XPO7: variants seen among roughly 807,000 people sequenced by gnomAD.
The protein encoded by XPO7 is exportin-7.
Under a neutral mutation model 144.3 loss-of-function variants are expected in XPO7, and 21 were observed. That is an observed-to-expected ratio of 0.15 (90% CI 0.10 to 0.21). The LOEUF (loss-of-function observed/expected upper bound fraction) is 0.21. XPO7 is among the 10% of genes least tolerant of loss of function. XPO7 has a pLI of 1.00. For synonymous variants in XPO7, 580 were observed against 499.6 expected, an observed-to-expected ratio of 1.16 and a Z score of -2.15; for missense variants, 808 against 1,325.8, an observed-to-expected ratio of 0.61 and a Z score of 6.06.
chr8:21,986,998 C>T (rs1362998097), intron 13 of XPO7, 143 bp from the exon 14 acceptor site: 3 of 1,173,160 alleles, frequency 2.6e-6, no homozygotes, highest in Non-Finnish European at 3.6e-6. Context: ...AGTCCTGCCT[C>T]CCTCATTTAT....
At chr8:21,967,025 T>TA (rs1272522995) in intron 2 of XPO7, 22 bp downstream of exon 2, 6 of 1,608,544 alleles carry the variant, frequency 3.7e-6, no homozygotes. Flanking sequence ...CTGAAAATCC[T>TA]AAAGGATAAC....
Position 21,987,180 on chromosome 8 carries a change from C to T in XPO7, c.1617C>T (p.Ala539=), listed in dbSNP as rs751204655. The stretch of plus-strand genomic sequence containing the variant: ...TGAACCTAACAGATTCTCGTTTGGC[C>T]CAGGCGGGTAATGAGAAGCTAGAGT... The part of the protein sequence containing the change: ...QLMNLTDSRL[A]QAGNEKLELA... Residue 539 remains alanine (A), a synonymous_variant, in exon 14 of 28, where the codon GCC becomes GCT. Transcript: ENST00000252512. 4.8e-5 allele frequency: 77 copies of T among 1,613,816 alleles called. No individual in the cohort carries two copies. In the Admixed American group the frequency reaches 1.3e-3, roughly 27 times the overall value.
chr8:21,964,266 A>C (rs769604590), intron 1 of XPO7: 1 of 152,228 alleles, frequency 6.6e-6, no homozygotes, highest in Non-Finnish European at 1.5e-5. Context: ...ATCCTTAATA[A>C]GAACTGGCGA....
At chr8:21,946,639 G>A (rs1468698276) in intron 1 of XPO7, among the ~76,000 whole-genome samples, 1 of 141,872 alleles carries the variant, frequency 7.0e-6, no homozygotes, top group Non-Finnish European at 1.5e-5. Flanking sequence ...TGCAAAACAG[G>A]ATTTTTTTTT....
At chr8:21,933,438 T>C (rs903708753) in intron 1 of XPO7, among the ~76,000 whole-genome samples, 1 of 152,202 alleles carries the variant, frequency 6.6e-6, no homozygotes, top group East Asian at 1.9e-4. Context: ...TTGTTGTTAC[T>C]GTTATTTAAT....
Position 21,979,471 on chromosome 8 carries a change from G to A in XPO7, c.838-613G>A, listed in dbSNP as rs549720170. Among the ~76,000 whole-genome samples, 35 of 149,030 alleles carry A rather than the reference G, an allele frequency of 2.3e-4. 1 individual carries two copies. In the South Asian group the frequency reaches 7.3e-3, roughly 31 times the overall value. Reference sequence around the variant, plus strand: ...TGCCCGGGCTGGAGTGCAGTGGCGCGATCTCGGCTCACTGCAGCCTCCGCC... The same window carrying A: ...TGCCCGGGCTGGAGTGCAGTGGCGCAATCTCGGCTCACTGCAGCCTCCGCC... On this transcript the variant is annotated intron_variant, in intron 8 of 27. Transcript: ENST00000252512.
At chr8:21,959,775 G>T (rs1305198863) in intron 1 of XPO7, among the ~76,000 whole-genome samples, 1 of 152,114 alleles carries the variant, frequency 6.6e-6, no homozygotes, top group Non-Finnish European at 1.5e-5. Context: ...CTTAGAACTG[G>T]AAGTGTCTTT....
chr8:22,003,158 CGTT>C, intron 25 of XPO7, 58 bp from the exon 26 acceptor site: 1 of 1,328,278 alleles, frequency 7.5e-7, no homozygotes, highest in Non-Finnish European at 1.1e-6. Flanking sequence ...TGGAATCTGT[CGTT>C]TTATCTTGGG....
At chr8:21,935,570 T>C (rs1810794752) in intron 1 of XPO7, among the ~76,000 whole-genome samples, 1 of 152,204 alleles carries the variant, frequency 6.6e-6, no homozygotes, top group Non-Finnish European at 1.5e-5. Flanking sequence ...CTGACTAGCT[T>C]GACCTTTTGC....
At chr8:21,927,876 C>T (rs1391012952) in intron 1 of XPO7, among the ~76,000 whole-genome samples, 1 of 152,148 alleles carries the variant, frequency 6.6e-6, no homozygotes, top group East Asian at 1.9e-4. Flanking sequence ...CTCCCATACC[C>T]GTCCCCTCAA....
intron 21 of XPO7, among the ~76,000 whole-genome samples, chr8:21,996,563 G>A (rs1472158836): frequency 1.3e-5 from 2 of 152,186 alleles, no homozygotes; most frequent in Non-Finnish European, 2.9e-5. Flanking sequence ...GAGACATTGA[G>A]AAGGATATGA....
At chr8:21,978,231 CTG>C (rs370737477) in intron 8 of XPO7, among the ~76,000 whole-genome samples, 3 of 152,294 alleles carry the variant, frequency 2.0e-5, no homozygotes, top group East Asian at 3.9e-4. Context: ...TAAATGGAAA[CTG>C]TGATGAGAAG....
At chr8:21,928,673 C>T (rs1810541267) in intron 1 of XPO7, among the ~76,000 whole-genome samples, 2 of 152,192 alleles carry the variant, frequency 1.3e-5, no homozygotes, top group South Asian at 2.1e-4. Flanking sequence ...ATATCTCAGG[C>T]TTGCAAACCA....
chr8:21,981,453 C>G (rs1008004036), intron 9 of XPO7, among the ~76,000 whole-genome samples: 1 of 152,166 alleles, frequency 6.6e-6, no homozygotes, highest in African/African-American at 2.4e-5. Context: ...TCCTCCTGGG[C>G]TTCTGTTTCA....
At chr8:21,962,240 A>G (rs554647839) in intron 1 of XPO7, among the ~76,000 whole-genome samples, 28 of 152,370 alleles carry the variant, frequency 1.8e-4, no homozygotes, top group Middle Eastern at 3.4e-3. Flanking sequence ...TGATACATCT[A>G]TAAACCAAGA....
intron 1 of XPO7, among the ~76,000 whole-genome samples, chr8:21,948,365 G>T (rs1301500349): frequency 6.6e-6 from 1 of 152,148 alleles, no homozygotes; most frequent in Non-Finnish European, 1.5e-5. Context: ...GGTTGCCTAA[G>T]GTATTCAGTA....
intron 2 of XPO7, 27 bp downstream of exon 2, chr8:21,967,030 G>A (rs753441727): frequency 1.2e-6 from 2 of 1,604,248 alleles, no homozygotes; most frequent in South Asian, 1.1e-5. Flanking sequence ...AATCCTAAAG[G>A]ATAACAGGCG....
intron 11 of XPO7, among the ~76,000 whole-genome samples, chr8:21,984,326 G>A (rs563679725): frequency 2.0e-5 from 3 of 152,112 alleles, no homozygotes; most frequent in Non-Finnish European, 2.9e-5. Flanking sequence ...AAGAACAAGC[G>A]AAAGACTAAG....
chr8:21,998,480 A>C (rs374402228), intron 21 of XPO7, among the ~76,000 whole-genome samples: 9 of 152,296 alleles, frequency 5.9e-5, no homozygotes, highest in Middle Eastern at 6.8e-3. Flanking sequence ...AAAATTGAGA[A>C]TTTTCAAATA....
Sources: gnomAD v4.1 joint callset for allele counts (sites outside exome capture counted in the v4.1 genomes callset) on GRCh38, gnomAD v4.1.1 for gene constraint, MANE v1.5 for transcripts, NCBI Gene and HGNC (gene_info 2026-07-23, HGNC 2026-07-21) for gene names.